The following FARP1 variants were observed in gnomAD, a reference collection of about 807,000 sequenced individuals.
FARP1 encodes FERM, ARHGEF and pleckstrin domain-containing protein 1.
Under a neutral mutation model 128.8 loss-of-function variants are expected in FARP1, and 52 were observed. That is an observed-to-expected ratio of 0.40 (90% confidence interval 0.32 to 0.51). FARP1 has a LOEUF of 0.51. Among genes scored for constraint, FARP1 ranks in the 20% least tolerant of loss-of-function variants. The probability of loss-of-function intolerance (pLI) is 0.45; values close to 1 mark genes in which losing one functional copy is unlikely to be tolerated. For missense variants in FARP1, 1,333 were observed against 1,367.9 expected, an observed-to-expected ratio of 0.97 and a Z score of 0.40; for synonymous variants, 580 against 551.8, an observed-to-expected ratio of 1.05 and a Z score of -0.72.
intron 2 of FARP1, among the ~76,000 whole-genome samples, chr13:98,279,201 G>GA (rs1458908017): frequency 4.6e-5 from 7 of 152,078 alleles, no homozygotes; most frequent in Admixed American, 3.3e-4. Flanking sequence ...AAGTACAATA[G>GA]AAAAAATTGC....
intron 1 of FARP1, among the ~76,000 whole-genome samples, chr13:98,211,415 C>T (rs1306560936): frequency 6.6e-6 from 1 of 151,894 alleles, no homozygotes; most frequent in Non-Finnish European, 1.5e-5. Context: ...TGAGGTGGAA[C>T]CATTTCATCC....
chr13:98,176,297 G>A lies in FARP1; in HGVS notation c.-24+32805G>A, dbSNP rs1220008086. On this transcript the variant is annotated intron_variant, in intron 1 of 26. Coordinates refer to ENST00000319562, the MANE Select transcript of FARP1 (RefSeq NM_005766.4). This position sits in a 1 kb window ranked among gnomAD's most constrained non-coding sequence, Gnocchi z 6.2. The stretch of plus-strand genomic sequence containing the variant: ...TTGCCCCCACCTTCTGCAGCCTGAA[G>A]CTTTTGCAGTTTCGCCATCAGTTCT... 3 of 1,612,648 alleles carry A rather than the reference G, an allele frequency of 1.9e-6. No individual in the cohort carries two copies. The highest frequency in any genetic ancestry group is 4.5e-5 in the East Asian group (2 of 44,858).
intron 2 of FARP1, among the ~76,000 whole-genome samples, chr13:98,278,094 A>G (rs1280537286): frequency 6.6e-6 from 1 of 152,152 alleles, no homozygotes; most frequent in Non-Finnish European, 1.5e-5. Context: ...TATTACTGTG[A>G]CTATTCAAAA....
intron 9 of FARP1, among the ~76,000 whole-genome samples, chr13:98,388,818 C>T (rs547769434): frequency 6.6e-6 from 1 of 152,176 alleles, no homozygotes; most frequent in Non-Finnish European, 1.5e-5. Context: ...CACCTGGAGA[C>T]CCCATTCAGT....
chr13:98,390,113 C>A lies in FARP1; in HGVS notation c.1012C>A (p.Arg338=), dbSNP rs779764921. The change falls in exon 10 of 27, where the codon CGG becomes AGG. Residue 338 remains arginine, a synonymous_variant. Coordinates refer to ENST00000319562, the MANE Select transcript of FARP1 (RefSeq NM_005766.4). ...PVLFSRGSSF[R]FSGRTQKQVL... is the part of the protein sequence containing the mutation. ...CCTCTTTAGCCGGGGGTCATCATTTCGGTTCAGGTGAGGTCGCCACTTTGT... is the reference window on the plus strand; with the variant it reads ...CCTCTTTAGCCGGGGGTCATCATTTAGGTTCAGGTGAGGTCGCCACTTTGT... 1 of 1,613,620 alleles carries A rather than the reference C, an allele frequency of 6.2e-7. No individual in the cohort carries two copies.
At chr13:98,327,630 T>G (rs1387127567) in intron 2 of FARP1, among the ~76,000 whole-genome samples, 3 of 152,184 alleles carry the variant, frequency 2.0e-5, no homozygotes, top group African/African-American at 7.2e-5. Context: ...TCTGATAAAG[T>G]CTTTCCCTCT....
intron 16 of FARP1, among the ~76,000 whole-genome samples, chr13:98,414,403 A>T (rs925544418): frequency 6.6e-6 from 1 of 152,208 alleles, no homozygotes; most frequent in Non-Finnish European, 1.5e-5. Flanking sequence ...CAGTGAAGTT[A>T]AGCTAATCAA....
intron 2 of FARP1, among the ~76,000 whole-genome samples, chr13:98,236,603 TAAG>T (rs147753707): frequency 0.013 from 1,937 of 152,214 alleles, 37 homozygotes; most frequent in African/African-American, 0.044. Flanking sequence ...ATAAAAAAAT[TAAG>T]AAAGTGAGAT....
Position 98,453,398 on chromosome 13 carries a change from T to A in FARP1, c.*5081T>A. On this transcript the variant is annotated 3_prime_UTR_variant, in exon 27 of 27. Transcript: ENST00000319562. ...TAAAGACTGAGAAGATCATGATTCTTACACAAAAACTCCAGAGCATGTCAC... is the reference window on the plus strand; with the variant it reads ...TAAAGACTGAGAAGATCATGATTCTAACACAAAAACTCCAGAGCATGTCAC... The A allele has an allele frequency of 3.3e-6, 2 of 611,522 alleles. No homozygotes were observed. Among genetic ancestry groups the A allele is most frequent in the Non-Finnish European group, 5.5e-6 (2 of 363,670 alleles). 37.9% of individuals were successfully genotyped at this position (611,522 alleles called of 1,614,324 possible). A position where few individuals can be genotyped will look rare whatever the true frequency, so the allele number is the denominator to read the frequency against.
chr13:98,308,658 T>C (rs1377085834), intron 2 of FARP1, among the ~76,000 whole-genome samples: 1 of 152,154 alleles, frequency 6.6e-6, no homozygotes, highest in Non-Finnish European at 1.5e-5. Flanking sequence ...TTTTAATATG[T>C]GTAATTTTAT....
intron 21 of FARP1, 80 bp from the exon 22 acceptor site, chr13:98,439,881 A>G: frequency 9.8e-7 from 1 of 1,025,020 alleles, no homozygotes; most frequent in Non-Finnish European, 1.5e-6. Context: ...CTCCTTTTCC[A>G]AGTTGCCTGG....
At chr13:98,358,906 G>A (rs1383629463) in intron 3 of FARP1, among the ~76,000 whole-genome samples, 1 of 152,136 alleles carries the variant, frequency 6.6e-6, no homozygotes, top group Non-Finnish European at 1.5e-5. Flanking sequence ...CAAAGTGCTG[G>A]AATTACAGAC....
chr13:98,181,033 G>T (rs1878468602), intron 1 of FARP1, among the ~76,000 whole-genome samples: 1 of 151,720 alleles, frequency 6.6e-6, no homozygotes, highest in African/African-American at 2.4e-5. Flanking sequence ...CAGAATTACA[G>T]AGTTTAAGCA....
chr13:98,421,866 AAT>A (rs1891606989), intron 16 of FARP1, among the ~76,000 whole-genome samples: 1 of 151,942 alleles, frequency 6.6e-6, no homozygotes, highest in Non-Finnish European at 1.5e-5. Context: ...AAAAAAAAAA[AAT>A]TTTTTTTAAG....
chr13:98,250,883 C>T lies in FARP1; in HGVS notation c.171+37470C>T, dbSNP rs755826769. On this transcript the variant is annotated intron_variant, in intron 2 of 26. Coordinates refer to ENST00000319562, the MANE Select transcript of FARP1 (RefSeq NM_005766.4). ...TATAGTTTAACACATGTGTGTAATT[C>T]TAAACCACTGCATGATTTGGTTTGT... 3.1e-4 allele frequency among the ~76,000 whole-genome samples: 47 copies of T among 152,238 alleles called. 1 individual carries two copies. Among genetic ancestry groups the T allele is most frequent in the East Asian group, 3.9e-4 (2 of 5,186 alleles).
At chr13:98,287,204 A>AGGCCTTTTTTTTT (rs1327624660) in intron 2 of FARP1, among the ~76,000 whole-genome samples, 9 of 114,816 alleles carry the variant, frequency 7.8e-5, no homozygotes, top group Non-Finnish European at 1.1e-4. Flanking sequence ...ACCATCAGAC[A>AGGCCTTTTTTTTT]TGTCTTTTTT....
chr13:98,277,501 A>G (rs1428007931), intron 2 of FARP1, among the ~76,000 whole-genome samples: 1 of 152,124 alleles, frequency 6.6e-6, no homozygotes, highest in Non-Finnish European at 1.5e-5. Flanking sequence ...GAGATGATCC[A>G]TGTCCACATA....
intron 2 of FARP1, among the ~76,000 whole-genome samples, chr13:98,229,200 A>G (rs1399580293): frequency 3.3e-5 from 5 of 152,098 alleles, no homozygotes; most frequent in African/African-American, 4.8e-5. Context: ...TTCTACCCAC[A>G]TTTCCCCACA....
At chr13:98,272,328 C>A (rs1454044038) in intron 2 of FARP1, among the ~76,000 whole-genome samples, 1 of 152,108 alleles carries the variant, frequency 6.6e-6, no homozygotes, top group Non-Finnish European at 1.5e-5. Context: ...CCTCTCCTGG[C>A]CAAAATACAT....
Sources: allele counts gnomAD v4.1 joint callset (sites outside exome capture counted in the v4.1 genomes callset), GRCh38; gene constraint gnomAD v4.1.1; non-coding constraint Gnocchi (gnomAD v3.1); transcripts MANE v1.5; gene names NCBI Gene and HGNC (gene_info 2026-07-23, HGNC 2026-07-21).